Variants in RAB30 observed in about 807,000 individuals in gnomAD.
RAB30 encodes the protein ras-related protein Rab-30.
In RAB30, 9 loss-of-function variants were observed where a neutral mutation model predicts 25.1. The ratio of observed to expected loss-of-function variants is 0.36; its 90% CI spans 0.22 to 0.63. The LOEUF (loss-of-function observed/expected upper bound fraction) is 0.63. Ranked by LOEUF, RAB30 falls within the 20% of genes least tolerant of loss-of-function variation. RAB30 has a pLI of 0.69. For missense variants in RAB30, 140 were observed against 243.5 expected (o/e 0.58, Z 2.83); for synonymous variants, 77 against 86.4 (o/e 0.89, Z 0.60).
At chr11:82,996,324 C>T (rs568503245) in intron 2 of RAB30, among the ~76,000 whole-genome samples, 8 of 152,334 alleles carry the variant, frequency 5.3e-5, no homozygotes, top group African/African-American at 1.9e-4. Context: ...AGGGAGGTAA[C>T]TTACCCAGGC....
intron 1 of RAB30, among the ~76,000 whole-genome samples, chr11:83,016,549 A>T (rs1857442713): frequency 6.6e-6 from 1 of 152,226 alleles, no homozygotes; most frequent in Admixed American, 6.5e-5. Context: ...CATGGGGCCT[A>T]ATTACAAATT....
At chr11:83,007,268 A>C (rs1857204185) in intron 1 of RAB30, among the ~76,000 whole-genome samples, 2 of 152,218 alleles carry the variant, frequency 1.3e-5, no homozygotes, top group African/African-American at 2.4e-5. Context: ...GCTGGCATGA[A>C]CACATGCCAT....
At chr11:83,012,132 C>G (rs1432581561) in intron 1 of RAB30, among the ~76,000 whole-genome samples, 1 of 152,134 alleles carries the variant, frequency 6.6e-6, no homozygotes, top group Non-Finnish European at 1.5e-5. Context: ...AGACTCTGTC[C>G]TCTGTTCTAA....
intron 4 of RAB30, among the ~76,000 whole-genome samples, chr11:82,983,048 T>C (rs1484060673): frequency 1.3e-5 from 2 of 151,218 alleles, no homozygotes; most frequent in Non-Finnish European, 2.9e-5. Flanking sequence ...CACTGGGATA[T>C]ACTGTTAACC....
At chr11:83,020,144 C>G (rs11600832) in intron 1 of RAB30, among the ~76,000 whole-genome samples, 1 of 152,090 alleles carries the variant, frequency 6.6e-6, no homozygotes, top group Non-Finnish European at 1.5e-5. Flanking sequence ...CTCCACGGAG[C>G]AGGTAGAAGC....
chr11:83,030,690 A>C (rs1254068905), intron 1 of RAB30, among the ~76,000 whole-genome samples: 1 of 151,860 alleles, frequency 6.6e-6, no homozygotes, highest in Non-Finnish European at 1.5e-5. Context: ...CCAGCTACTC[A>C]GGAGGCTGAG....
At chr11:83,052,718 G>A (rs1257084046) in intron 1 of RAB30, among the ~76,000 whole-genome samples, 1 of 152,166 alleles carries the variant, frequency 6.6e-6, no homozygotes, top group Admixed American at 6.5e-5. Flanking sequence ...AGGCCTCTAA[G>A]AACCAGTTGA....
chr11:83,002,690 T>G (rs984063964), intron 1 of RAB30, among the ~76,000 whole-genome samples: 2 of 99,074 alleles, frequency 2.0e-5, no homozygotes, highest in Non-Finnish European at 4.0e-5. Flanking sequence ...ACCCTAGCAC[T>G]TTGGGAGGCT....
chr11:82,996,157 T>A (rs1856953299), intron 2 of RAB30, among the ~76,000 whole-genome samples: 1 of 152,212 alleles, frequency 6.6e-6, no homozygotes, highest in Non-Finnish European at 1.5e-5. Context: ...TCACTTATCA[T>A]GGGAAAAACC....
chr11:83,001,740 A>C (rs1013550884), intron 1 of RAB30, among the ~76,000 whole-genome samples: 2 of 152,140 alleles, frequency 1.3e-5, no homozygotes, highest in Non-Finnish European at 2.9e-5. Context: ...TTCCCCCTGA[A>C]TAAGGGAAAC....
intron 1 of RAB30, among the ~76,000 whole-genome samples, chr11:83,030,175 C>T (rs557748708): frequency 6.6e-6 from 1 of 152,146 alleles, no homozygotes; most frequent in South Asian, 2.1e-4. Context: ...CACTTATAAC[C>T]CAAAAGCCAT....
At chr11:83,025,092 T>G (rs1457011980) in intron 1 of RAB30, among the ~76,000 whole-genome samples, 1 of 152,226 alleles carries the variant, frequency 6.6e-6, no homozygotes, top group Non-Finnish European at 1.5e-5. Context: ...AAACAACAGG[T>G]TAAATGTTAC....
chr11:83,014,831 GGGAAA>G lies in RAB30; in HGVS notation c.-8-17512_-8-17508del, dbSNP rs139534420. 9.0e-3 allele frequency among the ~76,000 whole-genome samples: 1,363 copies of G among 150,626 alleles called. 14 individuals are homozygous for G. Among genetic ancestry groups the G allele is most frequent in the Middle Eastern group, 0.045 (13 of 290 alleles). On this transcript the variant is annotated intron_variant, in intron 1 of 4. Transcript: ENST00000527633. ...CAGGAAGGAAGGAAGGAAGAGAGAA[GGGAAA>G]GGAAAGGAAAGGAAGAAAAGAAAGA...
chr11:83,025,870 A>C (rs917135572), intron 1 of RAB30, among the ~76,000 whole-genome samples: 40 of 151,742 alleles, frequency 2.6e-4, no homozygotes, highest in South Asian at 2.1e-4. Context: ...AGGTATAGAT[A>C]AACAGATATA....
intron 1 of RAB30, among the ~76,000 whole-genome samples, chr11:83,045,961 G>A (rs977777330): frequency 2.0e-5 from 3 of 152,100 alleles, no homozygotes; most frequent in Admixed American, 2.0e-4. Flanking sequence ...TTCAAGCTCT[G>A]GAATATTAAA....
intron 2 of RAB30, among the ~76,000 whole-genome samples, chr11:82,996,813 G>A (rs2121462345): frequency 6.6e-6 from 1 of 152,366 alleles, no homozygotes; most frequent in African/African-American, 2.4e-5. Context: ...CATAGGCAGA[G>A]TTTGATTGGT....
At chr11:83,018,297 C>CAA (rs904843218) in intron 1 of RAB30, among the ~76,000 whole-genome samples, 1,313 of 68,098 alleles carry the variant, frequency 0.019, 23 homozygotes, top group East Asian at 0.13. Flanking sequence ...GACTCCATCT[C>CAA]AAAAAAAAAA....
intron 1 of RAB30, among the ~76,000 whole-genome samples, chr11:83,027,288 T>C (rs1010518266): frequency 6.6e-6 from 1 of 152,034 alleles, no homozygotes; most frequent in African/African-American, 2.4e-5. Context: ...AAAAAAAAAG[T>C]AAGAGTGTCT....
At chr11:83,053,832 G>C (rs1387069686) in intron 1 of RAB30, among the ~76,000 whole-genome samples, 1 of 152,204 alleles carries the variant, frequency 6.6e-6, no homozygotes, top group African/African-American at 2.4e-5. Flanking sequence ...GTTCATGCCT[G>C]TAATCCCAGC....
Sources: allele counts gnomAD v4.1 joint callset (sites outside exome capture counted in the v4.1 genomes callset), GRCh38; gene constraint gnomAD v4.1.1; transcripts MANE v1.5; gene names NCBI Gene and HGNC (gene_info 2026-07-23, HGNC 2026-07-21).